Variants in CAP2 observed in about 807,000 individuals in gnomAD.
CAP2 encodes the protein adenylyl cyclase-associated protein 2.
Under a neutral mutation model 57.7 loss-of-function variants are expected in CAP2, and 24 were observed. The ratio of observed to expected loss-of-function variants is 0.42; its 90% CI spans 0.30 to 0.58. The LOEUF (loss-of-function observed/expected upper bound fraction) is 0.58. CAP2 is among the 20% of genes least tolerant of loss of function. CAP2 has a pLI of 0.22. For missense variants in CAP2, 501 were observed against 590.3 expected, an observed-to-expected ratio of 0.85 and a Z score of 1.57; for synonymous variants, 194 against 207.2, an observed-to-expected ratio of 0.94 and a Z score of 0.55.
chr6:17,525,786 T>G (rs9465043), intron 7 of CAP2, among the ~76,000 whole-genome samples: 3,248 of 152,226 alleles, frequency 0.021, 123 homozygotes, highest in African/African-American at 0.074. Context: ...GTTTTCCAGA[T>G]AGTCAGTTGG....
At chr6:17,421,404 A>G in intron 1 of CAP2, 151 bp from the exon 2 acceptor site, 1 of 803,996 alleles carries the variant, frequency 1.2e-6, no homozygotes, top group Non-Finnish European at 2.0e-6. Flanking sequence ...AAAAGCAACA[A>G]TAATACATAC....
intron 1 of CAP2, among the ~76,000 whole-genome samples, chr6:17,412,386 A>G (rs995106013): frequency 6.6e-6 from 1 of 152,204 alleles, no homozygotes; most frequent in Non-Finnish European, 1.5e-5. Flanking sequence ...GGAAGAAGGA[A>G]TGAGTTCGTA....
intron 1 of CAP2, among the ~76,000 whole-genome samples, chr6:17,416,404 T>G (rs1007389103): frequency 6.6e-5 from 10 of 152,186 alleles, no homozygotes; most frequent in Admixed American, 4.6e-4. Flanking sequence ...ACCTTTATAC[T>G]TAATGGCAAC....
At chr6:17,501,264 G>A (rs1229664635) in intron 4 of CAP2, among the ~76,000 whole-genome samples, 1 of 151,918 alleles carries the variant, frequency 6.6e-6, no homozygotes, top group Non-Finnish European at 1.5e-5. Flanking sequence ...AATATCTCCA[G>A]TAATTACATC....
At chr6:17,541,436 C>T (rs112933275) in intron 9 of CAP2, among the ~76,000 whole-genome samples, 1,946 of 151,866 alleles carry the variant, frequency 0.013, 22 homozygotes, top group Middle Eastern at 0.02. Context: ...AAAAATTAGC[C>T]GGGCATGGTG....
rs34468074 is a variant in CAP2 at position 17,414,053 on chromosome 6, C to CA, written c.-1-7487dup. ...TGGGTGACAGAGTGAGACTCTGTCTCAAAAAAAAAAAAAAAGAGTTTAACA... is the reference window on the plus strand; with the variant it reads ...TGGGTGACAGAGTGAGACTCTGTCTCAAAAAAAAAAAAAAAAGAGTTTAACA... On this transcript the variant is annotated intron_variant, in intron 1 of 12. Transcript: ENST00000229922. Among the ~76,000 whole-genome samples the CA allele has an allele frequency of 3.8e-3, 363 of 95,558 alleles. 1 individual carries two copies. Among genetic ancestry groups the CA allele is most frequent in the East Asian group, 0.011 (35 of 3,130 alleles). 62.7% of individuals were successfully genotyped at this position (95,558 alleles called of 152,430 possible).
intron 7 of CAP2, among the ~76,000 whole-genome samples, chr6:17,535,074 TG>T (rs1226229465): frequency 1.3e-5 from 2 of 152,112 alleles, no homozygotes; most frequent in Non-Finnish European, 2.9e-5. Flanking sequence ...GGATCAAGAC[TG>T]GTTCCAGAGG....
chr6:17,547,674 T>C (rs534855269), intron 11 of CAP2, among the ~76,000 whole-genome samples: 29 of 151,892 alleles, frequency 1.9e-4, no homozygotes, highest in Non-Finnish European at 3.4e-4. Flanking sequence ...ACCCTGTCTC[T>C]ACTAAAAATA....
chr6:17,398,528 C>CTTT (rs71536724), intron 1 of CAP2, among the ~76,000 whole-genome samples: 2 of 144,544 alleles, frequency 1.4e-5, no homozygotes, highest in Non-Finnish European at 3.0e-5. Context: ...CGATTTTAAA[C>CTTT]TTTTTTTTTT....
intron 7 of CAP2, among the ~76,000 whole-genome samples, chr6:17,520,877 C>T (rs1762374774): frequency 6.6e-6 from 1 of 152,228 alleles, no homozygotes; most frequent in East Asian, 1.9e-4. Context: ...ACCAAACCCA[C>T]ACCTTAGGGG....
chr6:17,419,623 C>A (rs1288003343), intron 1 of CAP2, among the ~76,000 whole-genome samples: 1 of 152,030 alleles, frequency 6.6e-6, no homozygotes, highest in Non-Finnish European at 1.5e-5. Flanking sequence ...TCGGTACTTA[C>A]CCTATGCACA....
intron 3 of CAP2, among the ~76,000 whole-genome samples, chr6:17,455,505 A>G (rs1295869361): frequency 6.6e-6 from 1 of 151,906 alleles, no homozygotes; most frequent in Non-Finnish European, 1.5e-5. Context: ...CCCTCTTCCA[A>G]GTGTACTTTA....
At chr6:17,551,668 G>T in intron 12 of CAP2, 64 bp downstream of exon 12, 2 of 1,282,734 alleles carry the variant, frequency 1.6e-6, no homozygotes, top group Admixed American at 4.4e-5. Flanking sequence ...CATTCTTAGA[G>T]ATTGATTAAT....
intron 4 of CAP2, among the ~76,000 whole-genome samples, chr6:17,480,773 GT>G (rs79702682): frequency 0.08 from 10,919 of 136,300 alleles, 1,299 homozygotes; most frequent in African/African-American, 0.25. Flanking sequence ...GGTTTTTTTG[GT>G]TTTTTTTTTT....
At chr6:17,421,170 T>C (rs970524964) in intron 1 of CAP2, among the ~76,000 whole-genome samples, 2 of 152,072 alleles carry the variant, frequency 1.3e-5, no homozygotes, top group African/African-American at 2.4e-5. Flanking sequence ...TCCTCACTTA[T>C]AAGTGGGAGC....
At chr6:17,482,507 CAAAAAAAAAAAAAA>C (rs60053497) in intron 4 of CAP2, among the ~76,000 whole-genome samples, 13 of 70,794 alleles carry the variant, frequency 1.8e-4, no homozygotes, top group African/African-American at 4.0e-4. Flanking sequence ...GACTCCATCT[CAAAAAAAAAAAAAA>C]AAAAAAAAAA....
intron 12 of CAP2, among the ~76,000 whole-genome samples, chr6:17,553,647 A>T (rs539405550): frequency 4.0e-5 from 6 of 151,876 alleles, no homozygotes; most frequent in Non-Finnish European, 8.8e-5. Flanking sequence ...AAAAAAAAAA[A>T]ACAAGATCTT....
At chr6:17,505,486 C>G (rs939085269) in intron 4 of CAP2, among the ~76,000 whole-genome samples, 6 of 152,136 alleles carry the variant, frequency 3.9e-5, no homozygotes, top group African/African-American at 1.4e-4. Context: ...CCCGTTAAAT[C>G]AGAATTGCTA....
intron 3 of CAP2, among the ~76,000 whole-genome samples, chr6:17,444,222 C>T (rs1457482572): frequency 6.6e-6 from 1 of 152,052 alleles, no homozygotes; most frequent in Non-Finnish European, 1.5e-5. Flanking sequence ...TTTCTAAATA[C>T]ATAAGTGAAA....
Sources: gnomAD v4.1 joint callset for allele counts (sites outside exome capture counted in the v4.1 genomes callset) on GRCh38, gnomAD v4.1.1 for gene constraint, MANE v1.5 for transcripts, NCBI Gene and HGNC (gene_info 2026-07-23, HGNC 2026-07-21) for gene names.